EXT1: variants seen among roughly 807,000 people sequenced by gnomAD.
EXT1 encodes exostosin glycosyltransferase 1.
Under a neutral mutation model 82.5 loss-of-function variants are expected in EXT1, and 20 were observed. That is an observed-to-expected ratio of 0.24 (90% CI 0.17 to 0.35). The LOEUF (loss-of-function observed/expected upper bound fraction) is 0.35. Ranked by LOEUF, EXT1 falls within the 10% of genes least tolerant of loss-of-function variation. The probability of loss-of-function intolerance (pLI) is 1.00; values close to 1 mark genes in which losing one functional copy is unlikely to be tolerated. For synonymous variants in EXT1, 348 were observed against 350.8 expected (o/e 0.99, Z 0.09); for missense variants, 757 against 936.5 (o/e 0.81, Z 2.50).
intron 1 of EXT1, among the ~76,000 whole-genome samples, chr8:118,052,051 T>C (rs965627440): frequency 3.9e-5 from 6 of 152,184 alleles, no homozygotes; most frequent in African/African-American, 1.4e-4. Context: ...CTGGGAGTCT[T>C]TGCCCTCTTC....
chr8:117,967,161 G>A (rs1814835749), intron 1 of EXT1, among the ~76,000 whole-genome samples: 1 of 152,164 alleles, frequency 6.6e-6, no homozygotes, highest in Non-Finnish European at 1.5e-5. Flanking sequence ...GAAGAATCCA[G>A]CTGAGAAAAT....
intron 1 of EXT1, among the ~76,000 whole-genome samples, chr8:117,877,275 G>A (rs1282566798): frequency 6.6e-6 from 1 of 152,172 alleles, no homozygotes; most frequent in Non-Finnish European, 1.5e-5. Context: ...ACCAGATGTA[G>A]GCTCTTCATA....
At chr8:117,855,718 G>T (rs1782477909) in intron 1 of EXT1, among the ~76,000 whole-genome samples, 2 of 152,216 alleles carry the variant, frequency 1.3e-5, no homozygotes, top group Non-Finnish European at 2.9e-5. Flanking sequence ...ACCCTGGCTG[G>T]AGGGCAATGG....
rs10594150 is a variant in EXT1, at chr8:118,093,268, CAAAAAAAAAAAAA to C, written c.962+16804_962+16816del. Among the ~76,000 whole-genome samples the C allele has an allele frequency of 1.2e-4, 8 of 66,784 alleles. No individual in the cohort carries two copies. In the Admixed American group the frequency reaches 1.7e-3, roughly 14 times the overall value. 43.8% of individuals were successfully genotyped at this position (66,784 alleles called of 152,430 possible). A position where few individuals can be genotyped will look rare whatever the true frequency, so the allele number is the denominator to read the frequency against. ...CCACATGCTCCAGAAAAATTCCCAGCAAAAAAAAAAAAAAAAAAAAAAGATTTGAAATTTGAAT... is the reference window on the plus strand; with the variant it reads ...CCACATGCTCCAGAAAAATTCCCAGCAAAAAAAAAGATTTGAAATTTGAAT... On this transcript the variant is annotated intron_variant, in intron 1 of 10. Coordinates refer to ENST00000378204, the MANE Select transcript of EXT1 (RefSeq NM_000127.3).
At chr8:117,949,036 T>C (rs747331500) in intron 1 of EXT1, among the ~76,000 whole-genome samples, 3 of 152,216 alleles carry the variant, frequency 2.0e-5, no homozygotes, top group Non-Finnish European at 4.4e-5. Context: ...GAAGGGCAGA[T>C]AGGCCTGAAT....
intron 1 of EXT1, among the ~76,000 whole-genome samples, chr8:118,012,282 A>T (rs975378077): frequency 6.6e-6 from 1 of 152,252 alleles, no homozygotes; most frequent in African/African-American, 2.4e-5. Context: ...CTGCACACAG[A>T]AGACCACACA....
intron 1 of EXT1, among the ~76,000 whole-genome samples, chr8:117,971,646 T>C (rs1035174476): frequency 3.3e-5 from 5 of 152,146 alleles, no homozygotes; most frequent in Non-Finnish European, 5.9e-5. Context: ...TTCAAATTAA[T>C]ATTGGCGATG....
intron 9 of EXT1, 81 bp from the exon 10 acceptor site, chr8:117,804,974 C>A: frequency 7.6e-7 from 1 of 1,321,280 alleles, no homozygotes; most frequent in Admixed American, 1.7e-5. Context: ...AAACACATAC[C>A]CATTCTTTGA....
intron 1 of EXT1, among the ~76,000 whole-genome samples, chr8:118,106,360 G>A (rs1817803052): frequency 6.6e-6 from 1 of 152,164 alleles, no homozygotes; most frequent in Non-Finnish European, 1.5e-5. Context: ...GCATTCTGGT[G>A]CTACCCTTGT....
At chr8:117,992,783 G>A (rs536453565) in intron 1 of EXT1, among the ~76,000 whole-genome samples, 2 of 152,300 alleles carry the variant, frequency 1.3e-5, no homozygotes, top group East Asian at 3.9e-4. Flanking sequence ...ATAACAAGGT[G>A]GCTGGAAGAA....
chr8:117,818,339 A>G (rs1811861613), intron 7 of EXT1, 96 bp downstream of exon 7: 1 of 927,792 alleles, frequency 1.1e-6, no homozygotes, highest in Non-Finnish European at 1.8e-6. Flanking sequence ...TAATCCAGGA[A>G]CAGGGAGAAG....
intron 1 of EXT1, among the ~76,000 whole-genome samples, chr8:118,096,561 A>C (rs1216383846): frequency 1.3e-5 from 2 of 151,406 alleles, no homozygotes; most frequent in Non-Finnish European, 2.9e-5. Context: ...AGATCACGCC[A>C]CTGCGGCCTG....
chr8:118,000,632 CT>C (rs1484057370), intron 1 of EXT1, among the ~76,000 whole-genome samples: 2 of 152,228 alleles, frequency 1.3e-5, no homozygotes, highest in Non-Finnish European at 2.9e-5. Context: ...CCCTTTAGCA[CT>C]GCACGCATCA....
chr8:117,802,710 A>C (rs1823186098), intron 10 of EXT1, among the ~76,000 whole-genome samples: 1 of 152,320 alleles, frequency 6.6e-6, no homozygotes, highest in East Asian at 1.9e-4. Flanking sequence ...TTGGGCACAT[A>C]ATAGACAATA....
chr8:117,945,331 G>T (rs1382435235), intron 1 of EXT1, among the ~76,000 whole-genome samples: 2 of 152,148 alleles, frequency 1.3e-5, no homozygotes, highest in African/African-American at 2.4e-5. Flanking sequence ...CAAATCATCA[G>T]GACCCCTCTC....
At chr8:118,107,487 A>C (rs1271650645) in intron 1 of EXT1, among the ~76,000 whole-genome samples, 1 of 152,224 alleles carries the variant, frequency 6.6e-6, no homozygotes, top group Non-Finnish European at 1.5e-5. Flanking sequence ...GATCACGTCT[A>C]CAGACCTAAC....
At chr8:117,900,075 A>G (rs1040447962) in intron 1 of EXT1, among the ~76,000 whole-genome samples, 2 of 152,184 alleles carry the variant, frequency 1.3e-5, no homozygotes, top group Admixed American at 6.5e-5. Flanking sequence ...GGCATGTGTC[A>G]TGGTGGGAAA....
intron 1 of EXT1, among the ~76,000 whole-genome samples, chr8:117,875,652 C>G (rs1466918767): frequency 6.6e-6 from 1 of 152,042 alleles, no homozygotes. Context: ...TGTTAGATTT[C>G]CACGGTATTC....
At chr8:117,822,381 T>A (rs1811938555) in intron 5 of EXT1, 84 bp downstream of exon 5, 1 of 1,456,026 alleles carries the variant, frequency 6.9e-7, no homozygotes, top group Non-Finnish European at 9.6e-7. Flanking sequence ...ATGGACCCCA[T>A]TAGAGTAGAA....
Sources: allele counts gnomAD v4.1 joint callset (sites outside exome capture counted in the v4.1 genomes callset), GRCh38; gene constraint gnomAD v4.1.1; transcripts MANE v1.5; gene names NCBI Gene and HGNC (gene_info 2026-07-23, HGNC 2026-07-21).